ZFR: variants seen among roughly 807,000 people sequenced by gnomAD.
ZFR encodes zinc finger RNA binding protein.
In ZFR, 19 loss-of-function variants were observed where a neutral mutation model predicts 130.7. The observed-to-expected ratio is 0.15, with a 90% CI of 0.10 to 0.21. The LOEUF (loss-of-function observed/expected upper bound fraction) is 0.21. ZFR is among the 10% of genes least tolerant of loss of function. ZFR has a pLI of 1.00. For synonymous variants in ZFR, 466 were observed against 456.9 expected (o/e 1.02, Z -0.25); for missense variants, 872 against 1,321.5 (o/e 0.66, Z 5.27).
intron 17 of ZFR, among the ~76,000 whole-genome samples, chr5:32,374,570 T>C (rs963029843): frequency 2.2e-4 from 34 of 152,098 alleles, no homozygotes; most frequent in Non-Finnish European, 4.9e-4. Flanking sequence ...TACAAATTAT[T>C]GTATTTAAAA....
At chr5:32,384,587 C>T (rs926148489) in intron 15 of ZFR, among the ~76,000 whole-genome samples, 6 of 152,130 alleles carry the variant, frequency 3.9e-5, no homozygotes, top group Non-Finnish European at 7.4e-5. Context: ...CCTCTTCCTC[C>T]TCAACCTGTA....
rs1370596922 is a variant in ZFR, at chr5:32,417,700, T to G, written c.513A>C (p.Val171=). 6.2e-7 allele frequency: 1 copy of G among 1,613,838 alleles called. No homozygotes were observed. ...AAGGCTGAGGTTGGGCAGCGGCAGC[T>G]ACAGCAGCAGCAGTTGCTGTTGGTT... is the stretch of plus-strand genomic sequence containing the variant. ...YQQPTATAAA[V]AAAAQPQPSV... The change falls in exon 4 of 20, where the codon GTA becomes GTC. Residue 171 remains valine (V), a synonymous_variant. Coordinates refer to ENST00000265069, the MANE Select transcript of ZFR (RefSeq NM_016107.5).
chr5:32,383,868 C>T (rs1364126147), intron 15 of ZFR: 1 of 451,966 alleles, frequency 2.2e-6, no homozygotes, highest in Non-Finnish European at 4.5e-6. Context: ...CACTTTGGCA[C>T]ATCCAACTTT....
intron 15 of ZFR, among the ~76,000 whole-genome samples, chr5:32,384,322 C>T (rs1752991520): frequency 6.6e-6 from 1 of 152,106 alleles, no homozygotes; most frequent in Non-Finnish European, 1.5e-5. Flanking sequence ...ATAAGAAAAC[C>T]CTTTACACAA....
At chr5:32,424,252 A>G (rs924727113) in intron 2 of ZFR, among the ~76,000 whole-genome samples, 1 of 152,226 alleles carries the variant, frequency 6.6e-6, no homozygotes, top group African/African-American at 2.4e-5. Flanking sequence ...ATGATTAAGA[A>G]AAAAAGGTAG....
chr5:32,382,925 C>T (rs1439658362), intron 15 of ZFR, among the ~76,000 whole-genome samples: 1 of 150,736 alleles, frequency 6.6e-6, no homozygotes, highest in Non-Finnish European at 1.5e-5. Context: ...ACCCAGTTAA[C>T]AAAGCAAAAA....
At chr5:32,382,282 G>T (rs1238335651) in intron 15 of ZFR, among the ~76,000 whole-genome samples, 1 of 152,114 alleles carries the variant, frequency 6.6e-6, no homozygotes, top group Non-Finnish European at 1.5e-5. Context: ...CTGCACTCCA[G>T]CCTGGGTGAC....
intron 17 of ZFR, among the ~76,000 whole-genome samples, chr5:32,365,679 T>A (rs1373123119): frequency 1.3e-5 from 2 of 149,768 alleles, no homozygotes; most frequent in Non-Finnish European, 3.0e-5. Context: ...CCACCTCAGC[T>A]CAGGATCACT....
chr5:32,398,309 G>A (rs1196970593), intron 9 of ZFR, among the ~76,000 whole-genome samples: 1 of 152,010 alleles, frequency 6.6e-6, no homozygotes, highest in Non-Finnish European at 1.5e-5. Flanking sequence ...GCATTATTTT[G>A]GTATACAAAA....
At chr5:32,433,448 T>A (rs1047979862) in intron 2 of ZFR, among the ~76,000 whole-genome samples, 1 of 152,166 alleles carries the variant, frequency 6.6e-6, no homozygotes, top group African/African-American at 2.4e-5. Context: ...CATGCCCACC[T>A]CACAAATGCT....
chr5:32,367,634 G>T, intron 17 of ZFR, among the ~76,000 whole-genome samples: 1 of 152,038 alleles, frequency 6.6e-6, no homozygotes, highest in East Asian at 1.9e-4. Flanking sequence ...AGCTGGTCTT[G>T]AACTCCTGGG....
intron 11 of ZFR, among the ~76,000 whole-genome samples, chr5:32,393,124 A>C (rs1283187817): frequency 6.6e-6 from 1 of 152,246 alleles, no homozygotes; most frequent in Non-Finnish European, 1.5e-5. Context: ...AAACATGAGA[A>C]TCTTGCTGCC....
intron 11 of ZFR, among the ~76,000 whole-genome samples, chr5:32,391,525 C>CTT (rs34370191): frequency 5.2e-5 from 7 of 134,148 alleles, no homozygotes; most frequent in Admixed American, 1.5e-4. Context: ...GAAATCTACT[C>CTT]TTTTTTTTTT....
intron 17 of ZFR, among the ~76,000 whole-genome samples, chr5:32,377,788 G>A (rs1752856397): frequency 6.6e-6 from 1 of 151,958 alleles, no homozygotes; most frequent in South Asian, 2.1e-4. Flanking sequence ...CCGGGTTCAA[G>A]TGATTCTCCT....
intron 2 of ZFR, among the ~76,000 whole-genome samples, chr5:32,436,609 A>C (rs1286743115): frequency 6.6e-6 from 1 of 152,178 alleles, no homozygotes; most frequent in Non-Finnish European, 1.5e-5. Context: ...TATGCCAGAT[A>C]CTGTTCTGAA....
At chr5:32,382,718 T>C (rs1035889088) in intron 15 of ZFR, among the ~76,000 whole-genome samples, 5 of 152,096 alleles carry the variant, frequency 3.3e-5, no homozygotes, top group African/African-American at 1.2e-4. Flanking sequence ...CAAGCAATTC[T>C]CCTGCCTCAG....
intron 4 of ZFR, 60 bp downstream of exon 4, chr5:32,417,588 C>T: frequency 5.0e-6 from 8 of 1,593,242 alleles, no homozygotes; most frequent in Non-Finnish European, 6.8e-6. Context: ...CTTCATTAAA[C>T]GCAGTAAGTC....
chr5:32,427,871 T>C (rs1359340725), intron 2 of ZFR, among the ~76,000 whole-genome samples: 1 of 152,234 alleles, frequency 6.6e-6, no homozygotes, highest in Non-Finnish European at 1.5e-5. Context: ...TTCAGTGCGT[T>C]GTCTTCTCAA....
chr5:32,356,701 G>T (rs910513843), intron 19 of ZFR, among the ~76,000 whole-genome samples: 1 of 152,132 alleles, frequency 6.6e-6, no homozygotes, highest in Non-Finnish European at 1.5e-5. Context: ...TTACAGGCGT[G>T]AGCCACTGCG....
Sources: allele counts gnomAD v4.1 joint callset (sites outside exome capture counted in the v4.1 genomes callset), GRCh38; gene constraint gnomAD v4.1.1; transcripts MANE v1.5; gene names NCBI Gene and HGNC (gene_info 2026-07-23, HGNC 2026-07-21).